Variants in SVIL observed in about 807,000 individuals in gnomAD.
SVIL encodes the protein supervillin.
Under a neutral mutation model 240.4 loss-of-function variants are expected in SVIL, and 101 were observed. That is an observed-to-expected ratio of 0.42 (90% CI 0.36 to 0.50). The LOEUF (loss-of-function observed/expected upper bound fraction) is 0.50, where lower values mean the gene tolerates loss of function less well. SVIL is among the 20% of genes least tolerant of loss of function. The pLI is 0.01. For synonymous variants in SVIL, 999 were observed against 1,100.0 expected (o/e 0.91, Z 1.82); for missense variants, 2,512 against 2,818.7 (o/e 0.89, Z 2.46).
At chr10:29,729,833 CAAAAAAA>C (rs71023507) in intron 1 of SVIL, among the ~76,000 whole-genome samples, 4 of 32,522 alleles carry the variant, frequency 1.2e-4, no homozygotes, top group African/African-American at 5.5e-4. Flanking sequence ...GACTCCATCT[CAAAAAAA>C]AAAAAAAAAA....
chr10:29,463,185 C>T (rs1035894984), intron 35 of SVIL, among the ~76,000 whole-genome samples: 1 of 152,176 alleles, frequency 6.6e-6, no homozygotes, highest in African/African-American at 2.4e-5. Flanking sequence ...CCGAGTACAG[C>T]GGGGTTTTAA....
chr10:29,537,773 C>T lies in SVIL; in HGVS notation c.828-1704G>A, dbSNP rs185837565. Among the ~76,000 whole-genome samples, 25 of 152,276 alleles carry T rather than the reference C, an allele frequency of 1.6e-4. No homozygotes were observed. The East Asian group carries it at 4.1e-3, about 25-fold the overall frequency. ...GCAGGTACCTGGCACCGCTATTGTA[C>T]GTCTTGCTGTAACCACTGACCTCTA... On this transcript the variant is annotated intron_variant, in intron 6 of 37. Transcript: ENST00000355867.
intron 3 of SVIL, among the ~76,000 whole-genome samples, chr10:29,653,279 G>T (rs1193215635): frequency 6.6e-6 from 1 of 152,126 alleles, no homozygotes; most frequent in Non-Finnish European, 1.5e-5. Context: ...ATGAGATCTG[G>T]TTGTTTAAAA....
At chr10:29,498,112 A>AAG (rs1948599755) in intron 18 of SVIL, among the ~76,000 whole-genome samples, 1 of 148,996 alleles carries the variant, frequency 6.7e-6, no homozygotes, top group Non-Finnish European at 1.5e-5. Flanking sequence ...AAAAAAAAAA[A>AAG]AAAAAGAAAA....
chr10:29,631,970 C>T (rs893709356), intron 1 of SVIL, among the ~76,000 whole-genome samples: 4 of 152,092 alleles, frequency 2.6e-5, no homozygotes, highest in Admixed American at 6.5e-5. Context: ...CTGAGATCAG[C>T]GCTTTAACAT....
intron 27 of SVIL, among the ~76,000 whole-genome samples, chr10:29,482,674 G>A (rs940060532): frequency 2.6e-5 from 4 of 152,208 alleles, no homozygotes; most frequent in Non-Finnish European, 5.9e-5. Flanking sequence ...GAAAGAAAAC[G>A]GCATAGCTCC....
chr10:29,652,856 T>TC (rs1333531834), intron 3 of SVIL, among the ~76,000 whole-genome samples: 1 of 152,242 alleles, frequency 6.6e-6, no homozygotes, highest in East Asian at 1.9e-4. Context: ...GACTATCCAT[T>TC]CCAATCCTTT....
intron 1 of SVIL, among the ~76,000 whole-genome samples, chr10:29,703,728 C>T (rs1345037303): frequency 6.6e-6 from 1 of 152,188 alleles, no homozygotes; most frequent in Non-Finnish European, 1.5e-5. Flanking sequence ...TCCTCAGTGG[C>T]CCTGACAAAC....
chr10:29,565,340 C>T (rs375565752), intron 2 of SVIL, among the ~76,000 whole-genome samples: 3 of 152,162 alleles, frequency 2.0e-5, no homozygotes, highest in East Asian at 1.9e-4. Context: ...CTTATTTTCT[C>T]GAAACACGCT....
At chr10:29,495,027 A>G (rs1448379647) in intron 19 of SVIL, 27 bp from the exon 20 acceptor site, 1 of 1,598,878 alleles carries the variant, frequency 6.3e-7, no homozygotes, top group East Asian at 2.3e-5. Context: ...CGTCAGTGAG[A>G]CAGCATCACT....
intron 1 of SVIL, among the ~76,000 whole-genome samples, chr10:29,617,196 C>T (rs1957458033): frequency 1.3e-5 from 2 of 152,160 alleles, no homozygotes; most frequent in African/African-American, 2.4e-5. Flanking sequence ...ATATAAGCTC[C>T]CAAGTCTGAT....
At chr10:29,558,712 A>G (rs1954168883) in intron 3 of SVIL, among the ~76,000 whole-genome samples, 1 of 151,262 alleles carries the variant, frequency 6.6e-6, no homozygotes, top group South Asian at 2.1e-4. Flanking sequence ...GGATCACTTG[A>G]GGTCAGGAGT....
chr10:29,533,101 G>A lies in SVIL; in HGVS notation c.1266C>T (p.Val422=). 3.7e-6 allele frequency: 6 copies of A among 1,613,978 alleles called. No homozygotes were observed. Among genetic ancestry groups the A allele is most frequent in the Non-Finnish European group, 5.1e-6 (6 of 1,179,956 alleles). ...GDGRDSPVLH[V]CESKAEEEEG... is the part of the protein sequence containing the mutation. ...CTTCTTCTTCTGCTTTTGACTCGCA[G>A]ACATGGAGAACTGGGCTATCCCTTC... The change falls in exon 8 of 38, where the codon GTC becomes GTT. Residue 422 remains valine (V), a synonymous_variant. Transcript: ENST00000355867.
At chr10:29,495,329 C>T (rs1048437530) in intron 18 of SVIL, 148 bp from the exon 19 acceptor site, 10 of 573,530 alleles carry the variant, frequency 1.7e-5, no homozygotes, top group East Asian at 5.8e-5. Context: ...ACATTTCACA[C>T]GTACCACGAC....
chr10:29,676,718 T>C (rs1457433994), intron 2 of SVIL, among the ~76,000 whole-genome samples: 1 of 152,104 alleles, frequency 6.6e-6, no homozygotes, highest in Non-Finnish European at 1.5e-5. Flanking sequence ...TTTGGAGAAA[T>C]TAGAGCTAGC....
chr10:29,647,197 T>G (rs1958686941), intron 3 of SVIL: 1 of 152,216 alleles, frequency 6.6e-6, no homozygotes, highest in African/African-American at 2.4e-5. Flanking sequence ...TTCTGAAACC[T>G]TCAAGAAGTA....
intron 16 of SVIL, among the ~76,000 whole-genome samples, chr10:29,514,819 GATTCCCATTAAAT>G (rs1303916052): frequency 6.6e-6 from 1 of 152,144 alleles, no homozygotes; most frequent in Non-Finnish European, 1.5e-5. Context: ...CAAGCTTCCC[GATTCCCATTAAAT>G]ATTTGTTTTG....
At chr10:29,696,797 A>G (rs1477875956) in intron 1 of SVIL, among the ~76,000 whole-genome samples, 2 of 150,048 alleles carry the variant, frequency 1.3e-5, no homozygotes, top group South Asian at 4.2e-4. Flanking sequence ...TCCGCCTGGC[A>G]GCCACCCCGT....
chr10:29,582,996 C>T (rs1297069777), intron 1 of SVIL, among the ~76,000 whole-genome samples: 7 of 152,144 alleles, frequency 4.6e-5, no homozygotes, highest in Non-Finnish European at 8.8e-5. Context: ...TTCACATGAA[C>T]AGAAAGCAGG....
Sources: gnomAD v4.1 joint callset for allele counts (sites outside exome capture counted in the v4.1 genomes callset) on GRCh38, gnomAD v4.1.1 for gene constraint, MANE v1.5 for transcripts, NCBI Gene and HGNC (gene_info 2026-07-23, HGNC 2026-07-21) for gene names.